The following CPNE3 variants were observed in gnomAD, a reference collection of about 807,000 sequenced individuals.
CPNE3 encodes the protein copine-3.
Under a neutral mutation model 63.9 loss-of-function variants are expected in CPNE3, and 68 were observed. The ratio of observed to expected loss-of-function variants is 1.06; its 90% CI spans 0.87 to 1.30. CPNE3 has a LOEUF of 1.30. Ranked by LOEUF, CPNE3 falls within the 50% of genes most tolerant of loss-of-function variation. The pLI is 0.00. For missense variants in CPNE3, 665 were observed against 578.1 expected (o/e 1.15, Z -1.54); for synonymous variants, 219 against 197.5 (o/e 1.11, Z -0.91).
intron 6 of CPNE3, among the ~76,000 whole-genome samples, chr8:86,537,276 A>G (rs193045508): frequency 9.2e-5 from 14 of 152,348 alleles, no homozygotes; most frequent in African/African-American, 3.1e-4. Context: ...AGGCAAAAAC[A>G]TATTTTATGG....
chr8:86,525,570 A>G (rs898424942), intron 2 of CPNE3, among the ~76,000 whole-genome samples: 12 of 152,206 alleles, frequency 7.9e-5, no homozygotes, highest in African/African-American at 2.9e-4. Flanking sequence ...ACTGTCAGCA[A>G]TTGGTTAAAT....
At chr8:86,515,796 T>C (rs1367395288) in intron 2 of CPNE3, among the ~76,000 whole-genome samples, 2 of 152,200 alleles carry the variant, frequency 1.3e-5, no homozygotes, top group Non-Finnish European at 2.9e-5. Flanking sequence ...GTAAGCTATA[T>C]ATAGCCACAT....
intron 16 of CPNE3, among the ~76,000 whole-genome samples, chr8:86,557,960 T>TA (rs976731467): frequency 3.2e-4 from 48 of 151,488 alleles, no homozygotes; most frequent in Non-Finnish European, 4.7e-4. Flanking sequence ...ATAAATGTTG[T>TA]AAAAAAAAGT....
chr8:86,517,197 T>C (rs188052690), intron 2 of CPNE3, among the ~76,000 whole-genome samples: 33 of 152,234 alleles, frequency 2.2e-4, no homozygotes, highest in African/African-American at 7.7e-4. Context: ...CAATCATAAC[T>C]TTTTAAAAGA....
chr8:86,546,518 A>C, intron 9 of CPNE3, 77 bp from the exon 10 acceptor site: 1 of 1,458,528 alleles, frequency 6.9e-7, no homozygotes, highest in Non-Finnish European at 9.5e-7. Flanking sequence ...AAGGAAAAAA[A>C]GTCATTCATT....
intron 16 of CPNE3, among the ~76,000 whole-genome samples, chr8:86,557,122 A>G (rs961448726): frequency 1.3e-5 from 2 of 151,934 alleles, no homozygotes. Context: ...ACATTTACGC[A>G]TGGGTTTTTG....
chr8:86,537,509 G>C, intron 6 of CPNE3, 54 bp from the exon 7 acceptor site: 1 of 1,085,596 alleles, frequency 9.2e-7, no homozygotes, highest in Non-Finnish European at 1.4e-6. Context: ...GTCACACATG[G>C]TTTCATGGGT....
intron 4 of CPNE3, among the ~76,000 whole-genome samples, chr8:86,530,801 C>A (rs973665526): frequency 6.6e-6 from 1 of 151,162 alleles, no homozygotes; most frequent in Non-Finnish European, 1.5e-5. Flanking sequence ...AAGTGATTCT[C>A]CTGCCTCAGT....
intron 2 of CPNE3, among the ~76,000 whole-genome samples, chr8:86,520,354 G>A (rs1554599640): frequency 7.3e-6 from 1 of 136,712 alleles, no homozygotes; most frequent in Non-Finnish European, 1.7e-5. Context: ...TCAGGAGTTC[G>A]AGACCAGCCT....
intron 4 of CPNE3, 74 bp downstream of exon 4, chr8:86,529,198 C>G: frequency 7.6e-7 from 1 of 1,315,760 alleles, no homozygotes; most frequent in South Asian, 1.4e-5. Context: ...TTTTGGTAAG[C>G]AGCATTTAAT....
rs869225401 is a variant in CPNE3, at chr8:86,527,946, ATTTTTTTTT to A, written c.-10-573_-10-565del. ...AAATTTATAGTTAAGGTAAAAAGAA[ATTTTTTTTT>A]TTTTTTTTTTTTTTTTAGACAGAGT... On this transcript the variant is annotated intron_variant, in intron 2 of 16. Coordinates refer to ENST00000517490, the MANE Select transcript of CPNE3 (RefSeq NM_003909.5). Among the ~76,000 whole-genome samples, 14 of 85,968 alleles carry A rather than the reference ATTTTTTTTT, an allele frequency of 1.6e-4. No individual in the cohort carries two copies. In the East Asian group the frequency reaches 1.6e-3, roughly 10 times the overall value. The allele number at this position is 85,968 out of a possible 152,430, so 56.4% of individuals were successfully genotyped here.
At chr8:86,537,977 TCTCTCTCTCTCA>T (rs1261990477) in intron 7 of CPNE3, among the ~76,000 whole-genome samples, 2 of 127,796 alleles carry the variant, frequency 1.6e-5, no homozygotes, top group Non-Finnish European at 3.6e-5. Flanking sequence ...TCTCTCTCTC[TCTCTCTCTCTCA>T]CACACACACA....
intron 6 of CPNE3, among the ~76,000 whole-genome samples, chr8:86,536,307 T>C (rs1015580548): frequency 1.4e-5 from 2 of 147,162 alleles, no homozygotes; most frequent in Non-Finnish European, 3.0e-5. Flanking sequence ...GCATACTAGA[T>C]GTACACTTTC....
At chr8:86,523,436 C>T (rs1015993368) in intron 2 of CPNE3, among the ~76,000 whole-genome samples, 1 of 152,152 alleles carries the variant, frequency 6.6e-6, no homozygotes, top group Non-Finnish European at 1.5e-5. Flanking sequence ...AATATGTTCG[C>T]TGCCCACAGT....
In CPNE3 at chr8:86,537,606, A is replaced by G; in HGVS notation, c.503A>G (p.Gln168Arg). ...KSDPYLEFHK[Q>R]TSDGNWLMVH... Reference sequence around the variant, plus strand: ...GACCCATACCTGGAATTCCACAAGCAGACATCTGATGGAAACTGGCTAATG... The same window carrying G: ...GACCCATACCTGGAATTCCACAAGCGGACATCTGATGGAAACTGGCTAATG... Residue 168 changes from glutamine to arginine, a missense_variant, in exon 7 of 17, where the codon CAG (glutamine) becomes CGG (arginine). Transcript: ENST00000517490. 6.2e-7 allele frequency: 1 copy of G among 1,611,404 alleles called. No individual in the cohort carries two copies.
chr8:86,532,392 T>A, intron 5 of CPNE3, 117 bp from the exon 6 acceptor site: 1 of 617,612 alleles, frequency 1.6e-6, no homozygotes, highest in Non-Finnish European at 2.7e-6. Context: ...ATGAAACATT[T>A]TAGAATTCAT....
At chr8:86,547,005 G>A (rs774375463) in intron 10 of CPNE3, among the ~76,000 whole-genome samples, 9 of 152,044 alleles carry the variant, frequency 5.9e-5, no homozygotes, top group Non-Finnish European at 7.4e-5. Context: ...CACCGCATCC[G>A]ACCCAAGCCT....
In CPNE3 at chr8:86,544,308, A is replaced by G. The variant is rs1011897864; in HGVS notation, c.634-432A>G. On this transcript the variant is annotated intron_variant, in intron 8 of 16. Coordinates refer to ENST00000517490, the MANE Select transcript of CPNE3 (RefSeq NM_003909.5). ...TAAAGTATCTAGGATTTAATTATAT[A>G]AATTTTAGCTTTCTAGAATGTTGAC... Among the ~76,000 whole-genome samples, 5 of 152,324 alleles carry G rather than the reference A, an allele frequency of 3.3e-5. No individual in the cohort carries two copies. The South Asian group carries it at 1.0e-3, about 32-fold the overall frequency.
chr8:86,539,783 C>T (rs1820889809), intron 7 of CPNE3, among the ~76,000 whole-genome samples: 2 of 151,660 alleles, frequency 1.3e-5, no homozygotes, highest in South Asian at 4.2e-4. Flanking sequence ...CTGCCTCAGC[C>T]TCCTGAGTAG....
Sources: gnomAD v4.1 joint callset for allele counts (sites outside exome capture counted in the v4.1 genomes callset) on GRCh38, gnomAD v4.1.1 for gene constraint, MANE v1.5 for transcripts, NCBI Gene and HGNC (gene_info 2026-07-23, HGNC 2026-07-21) for gene names.